Variants in PHTF2 observed in about 807,000 individuals in gnomAD.
PHTF2 encodes the protein putative homeodomain transcription factor 2, also known as protein PHTF2.
In PHTF2, 60 loss-of-function variants were observed where a neutral mutation model predicts 101.2. The ratio of observed to expected loss-of-function variants is 0.59; its 90% confidence interval spans 0.48 to 0.73. The LOEUF (loss-of-function observed/expected upper bound fraction) is 0.73. Among genes scored for constraint, PHTF2 ranks in the 30% least tolerant of loss-of-function variants. The pLI is 0.00. For synonymous variants in PHTF2, 311 were observed against 307.3 expected (o/e 1.01, Z -0.13); for missense variants, 747 against 908.7 (o/e 0.82, Z 2.29).
At chr7:77,926,866 C>T (rs1804053089) in intron 11 of PHTF2, among the ~76,000 whole-genome samples, 1 of 148,292 alleles carries the variant, frequency 6.7e-6, no homozygotes, top group Admixed American at 6.7e-5. Context: ...AGTCCTGCTT[C>T]AAAAAAAAGA....
intron 7 of PHTF2, 86 bp from the exon 7 acceptor site, chr7:77,908,707 A>G: frequency 1.1e-6 from 1 of 891,292 alleles, no homozygotes; most frequent in African/African-American, 1.7e-5. Context: ...TATTTTGGCA[A>G]AAAATAATGT....
At chr7:77,845,166 A>G (rs752315159) in intron 2 of PHTF2, among the ~76,000 whole-genome samples, 3 of 152,248 alleles carry the variant, frequency 2.0e-5, no homozygotes, top group Non-Finnish European at 4.4e-5. Flanking sequence ...CTGAAATTAC[A>G]TGTATTGAAA....
chr7:77,954,899 G>A (rs1187237483), exon 20 of PHTF2: 1 of 1,397,518 alleles, frequency 7.2e-7, no homozygotes, highest in Non-Finnish European at 1.0e-6. Context: ...AAAAGAAGAT[G>A]TAGCCTCTTT....
At chr7:77,888,412 G>A (rs1016191276) in intron 3 of PHTF2, among the ~76,000 whole-genome samples, 3 of 152,094 alleles carry the variant, frequency 2.0e-5, no homozygotes, top group Admixed American at 6.5e-5. Flanking sequence ...CGCTGCGCCC[G>A]GCCTAGAATG....
chr7:77,825,594 A>C (rs1794643013), intron 1 of PHTF2, among the ~76,000 whole-genome samples: 1 of 152,216 alleles, frequency 6.6e-6, no homozygotes, highest in South Asian at 2.1e-4. Flanking sequence ...TGCTCAGTCC[A>C]ATTTTAGCTC....
At chr7:77,893,886 G>A in intron 4 of PHTF2, 96 bp from the exon 4 acceptor site, 1 of 896,056 alleles carries the variant, frequency 1.1e-6, no homozygotes, top group Non-Finnish European at 1.8e-6. Context: ...AATTTCTAAT[G>A]ACTATTTTTT....
At chr7:77,864,468 A>C (rs1797893150) in intron 3 of PHTF2, among the ~76,000 whole-genome samples, 2 of 152,188 alleles carry the variant, frequency 1.3e-5, no homozygotes, top group South Asian at 4.1e-4. Flanking sequence ...TTTCTGGTCT[A>C]ATTCCAGTTA....
intron 1 of PHTF2, among the ~76,000 whole-genome samples, chr7:77,821,203 C>A (rs1024923776): frequency 6.6e-6 from 1 of 151,656 alleles, no homozygotes; most frequent in Non-Finnish European, 1.5e-5. Context: ...ACTGAGAAAT[C>A]TGTTATTAGT....
At chr7:77,957,355 T>C (rs575677844) in exon 20 of PHTF2, 4 of 152,190 alleles carry the variant, frequency 2.6e-5, no homozygotes, top group Non-Finnish European at 5.9e-5. Context: ...CATTTTAGAT[T>C]TTGTTATGAT....
intron 6 of PHTF2, among the ~76,000 whole-genome samples, chr7:77,901,085 T>C (rs1045663373): frequency 6.6e-6 from 1 of 152,070 alleles, no homozygotes; most frequent in Non-Finnish European, 1.5e-5. Flanking sequence ...CCACACACTT[T>C]TAAATCACCA....
chr7:77,814,461 G>A (rs1316884015), intron 1 of PHTF2, among the ~76,000 whole-genome samples: 2 of 151,072 alleles, frequency 1.3e-5, no homozygotes, highest in Non-Finnish European at 2.9e-5. Flanking sequence ...ACATTAAATC[G>A]TTCTTGCACT....
At position 77,803,247 on chromosome 7, in the gene PHTF2, A is replaced by T. The variant is rs529726816; in HGVS notation, c.-36+4276A>T. ...TTAAATTTGACATTTAATGAGAGGA[A>T]GTAAAGGGAAAAGTGCATAGTATGC... On this transcript the variant is annotated intron_variant, in intron 1 of 19. Coordinates refer to ENST00000416283, the Ensembl canonical transcript of PHTF2. 8.9e-4 allele frequency among the ~76,000 whole-genome samples: 135 copies of T among 152,324 alleles called. 2 individuals are homozygous for T. The highest frequency in any genetic ancestry group is 3.2e-3 in the African/African-American group (132 of 41,578).
intron 15 of PHTF2, among the ~76,000 whole-genome samples, chr7:77,941,871 T>C (rs2150977013): frequency 6.6e-6 from 1 of 152,316 alleles, no homozygotes; most frequent in East Asian, 1.9e-4. Context: ...CTTAAAACTT[T>C]TTGGAGGTTC....
At chr7:77,937,963 CAT>C (rs1805295355) in intron 13 of PHTF2, 125 bp downstream of exon 12, 1 of 376,968 alleles carries the variant, frequency 2.7e-6, no homozygotes, top group Non-Finnish European at 4.6e-6. Context: ...AAAAAAGTTA[CAT>C]GTGTGTATTT....
intron 12 of PHTF2, among the ~76,000 whole-genome samples, chr7:77,934,814 G>C (rs1804936699): frequency 6.6e-6 from 1 of 151,972 alleles, no homozygotes; most frequent in South Asian, 2.1e-4. Context: ...GGGCATGGTG[G>C]TGGGCACGGT....
Position 77,954,853 on chromosome 7 carries a change from T to TC in PHTF2, c.2338-4dup. Reference sequence around the variant, plus strand: ...TTGTCACCACTTCTATTTTTTTTTTTCTAGCTATGGAAGATTAAGTCATGA... The same window carrying TC: ...TTGTCACCACTTCTATTTTTTTTTTTCCTAGCTATGGAAGATTAAGTCATGA... On this transcript the variant is annotated splice_polypyrimidine_tract_variant and splice_region_variant and intron_variant, in intron 19 of 19. Coordinates refer to ENST00000416283, the Ensembl canonical transcript of PHTF2. 6.7e-7 allele frequency: 1 copy of TC among 1,498,302 alleles called. No homozygotes were observed. The highest frequency in any genetic ancestry group is 9.2e-7 in the Non-Finnish European group (1 of 1,089,406). The allele number at this position is 1,498,302 out of a possible 1,614,324, so 92.8% of individuals were successfully genotyped here.
intron 1 of PHTF2, among the ~76,000 whole-genome samples, chr7:77,804,613 A>G (rs980125221): frequency 6.6e-6 from 1 of 152,232 alleles, no homozygotes; most frequent in Non-Finnish European, 1.5e-5. Context: ...GGCGTGAGCC[A>G]CTATGCCCAA....
At chr7:77,867,268 C>T (rs1032728185) in intron 3 of PHTF2, among the ~76,000 whole-genome samples, 6 of 152,082 alleles carry the variant, frequency 3.9e-5, no homozygotes, top group Non-Finnish European at 7.4e-5. Flanking sequence ...TAAATGTAAC[C>T]CTTCCCAGAC....
chr7:77,874,923 G>A (rs893974433), intron 3 of PHTF2, among the ~76,000 whole-genome samples: 1 of 152,144 alleles, frequency 6.6e-6, no homozygotes, highest in Non-Finnish European at 1.5e-5. Context: ...CAAAAATCAG[G>A]TGGTTATAAA....
Sources: allele counts gnomAD v4.1 joint callset (sites outside exome capture counted in the v4.1 genomes callset), GRCh38; gene constraint gnomAD v4.1.1; transcripts MANE v1.5; gene names NCBI Gene and HGNC (gene_info 2026-07-23, HGNC 2026-07-21).